Variants in RANBP17 observed in about 807,000 individuals in gnomAD.
RANBP17 encodes the protein ran-binding protein 17.
In RANBP17, 158 loss-of-function variants were observed where a neutral mutation model predicts 141.2. That is an observed-to-expected ratio of 1.12 (90% CI 0.98 to 1.28). RANBP17 has a LOEUF of 1.28. RANBP17 is among the 50% of genes most tolerant of loss of function. The pLI is 0.00. For missense variants in RANBP17, 1,438 were observed against 1,290.7 expected (o/e 1.11, Z -1.75); for synonymous variants, 430 against 450.0 (o/e 0.96, Z 0.56).
chr5:171,108,746 A>G (rs1755021645), intron 14 of RANBP17, among the ~76,000 whole-genome samples: 1 of 152,066 alleles, frequency 6.6e-6, no homozygotes, highest in Non-Finnish European at 1.5e-5. Context: ...TCTATACAGT[A>G]TTTCACTCAA....
intron 18 of RANBP17, among the ~76,000 whole-genome samples, chr5:171,195,757 C>T (rs2127947925): frequency 6.6e-6 from 1 of 152,268 alleles, no homozygotes; most frequent in Non-Finnish European, 1.5e-5. Flanking sequence ...CTGACATTTA[C>T]CAGCTGGAGG....
At position 170,928,546 on chromosome 5, in the gene RANBP17, C is replaced by T. The variant is rs545300998; in HGVS notation, c.1468+3996C>T. 7.2e-5 allele frequency among the ~76,000 whole-genome samples: 11 copies of T among 152,044 alleles called. 1 individual carries two copies. The South Asian group carries it at 2.3e-3, about 32-fold the overall frequency. On this transcript the variant is annotated intron_variant, in intron 12 of 27. Transcript: ENST00000523189. The stretch of plus-strand genomic sequence containing the variant: ...TTAAGGGTCAAGGCTTACAGTTATC[C>T]AGTTGTTCTAACACCATTTGTAGAA...
At chr5:171,118,364 A>G (rs1403382552) in intron 14 of RANBP17, among the ~76,000 whole-genome samples, 1 of 151,878 alleles carries the variant, frequency 6.6e-6, no homozygotes, top group African/African-American at 2.4e-5. Context: ...ACTCGATGTC[A>G]TTTTGGCTAT....
At chr5:170,951,890 A>G (rs555645935) in intron 12 of RANBP17, among the ~76,000 whole-genome samples, 40 of 152,200 alleles carry the variant, frequency 2.6e-4, no homozygotes, top group Non-Finnish European at 4.7e-4. Flanking sequence ...CCAAGAACCA[A>G]TACTTTCAAA....
intron 13 of RANBP17, among the ~76,000 whole-genome samples, chr5:170,966,544 C>G (rs1776579657): frequency 6.6e-6 from 1 of 152,134 alleles, no homozygotes; most frequent in South Asian, 2.1e-4. Context: ...GGACGTATCT[C>G]AAAATGATAA....
intron 14 of RANBP17, among the ~76,000 whole-genome samples, chr5:171,132,426 A>G (rs772822494): frequency 2.7e-5 from 4 of 150,722 alleles, no homozygotes; most frequent in Non-Finnish European, 5.9e-5. Flanking sequence ...ATTTGTTTTG[A>G]TAATAGTTTA....
chr5:171,061,040 A>T (rs1232976374), intron 14 of RANBP17, among the ~76,000 whole-genome samples: 1 of 150,558 alleles, frequency 6.6e-6, no homozygotes, highest in Non-Finnish European at 1.5e-5. Flanking sequence ...TGTCTATTTG[A>T]TTCTTCTCTC....
chr5:170,978,189 A>C (rs1777525010), intron 14 of RANBP17, among the ~76,000 whole-genome samples: 1 of 152,156 alleles, frequency 6.6e-6, no homozygotes, highest in Admixed American at 6.5e-5. Context: ...AATGGCTAAA[A>C]ATTTTAAAAA....
rs1206942963 is a variant in RANBP17 at position 171,220,494 on chromosome 5, G to C, written c.2340-1264G>C. Among the ~76,000 whole-genome samples, 8 of 145,250 alleles carry C rather than the reference G, an allele frequency of 5.5e-5. No individual in the cohort carries two copies. In the East Asian group the frequency reaches 1.6e-3, roughly 29 times the overall value. On this transcript the variant is annotated intron_variant, in intron 21 of 27. Coordinates refer to ENST00000523189, the MANE Select transcript of RANBP17 (RefSeq NM_022897.5). ...GACAGAGTCTCACCTTGTTGCCCAG[G>C]CTGGAGCGCAGTGGCCCTATCTCGA... is the stretch of plus-strand genomic sequence containing the variant.
At chr5:170,913,274 T>C (rs1276537692) in intron 7 of RANBP17, among the ~76,000 whole-genome samples, 1 of 151,914 alleles carries the variant, frequency 6.6e-6, no homozygotes, top group African/African-American at 2.4e-5. Context: ...GTGAAAGACA[T>C]AGAAAGGCTA....
rs529995459 is a variant in RANBP17 at position 171,110,485 on chromosome 5, C to T, written c.1711-59645C>T. On this transcript the variant is annotated intron_variant, in intron 14 of 27. Transcript: ENST00000523189. ...ATATCTATCTTCCTTCTCTGTGTCTCCATCTGTATGTCTCATGAGCTTTAT... is the reference window on the plus strand; with the variant it reads ...ATATCTATCTTCCTTCTCTGTGTCTTCATCTGTATGTCTCATGAGCTTTAT... Among the ~76,000 whole-genome samples, 15 of 152,232 alleles carry T rather than the reference C, an allele frequency of 9.9e-5. No individual in the cohort carries two copies. The South Asian group carries it at 2.9e-3, about 30-fold the overall frequency.
At position 170,975,106 on chromosome 5, in the gene RANBP17, G is replaced by C. The variant is rs1184119882; in HGVS notation, c.1710+6729G>C. Among the ~76,000 whole-genome samples the C allele has an allele frequency of 2.6e-5, 4 of 152,124 alleles. No homozygotes were observed. In the South Asian group the frequency reaches 8.3e-4, roughly 32 times the overall value. On this transcript the variant is annotated intron_variant, in intron 14 of 27. Transcript: ENST00000523189. ...TTCTCATTTTTCACAATATGGAAAG[G>C]CTGATAATTTTTCAAACCTTTAAGT...
chr5:170,918,408 A>G (rs1772149332), intron 9 of RANBP17: 1 of 194,560 alleles, frequency 5.1e-6, no homozygotes, highest in Middle Eastern at 1.8e-3. Flanking sequence ...CACAGTACAC[A>G]CACACACACA....
chr5:171,040,021 C>T (rs1011770221), intron 14 of RANBP17, among the ~76,000 whole-genome samples: 2 of 151,882 alleles, frequency 1.3e-5, no homozygotes. Flanking sequence ...TAACTCATTC[C>T]GTGAAGCCAG....
At chr5:171,021,410 A>G (rs1333355570) in intron 14 of RANBP17, among the ~76,000 whole-genome samples, 1 of 152,174 alleles carries the variant, frequency 6.6e-6, no homozygotes, top group Non-Finnish European at 1.5e-5. Flanking sequence ...AGGTACACCA[A>G]TCAAACGTAG....
At chr5:170,982,120 T>G (rs1359132125) in intron 14 of RANBP17, among the ~76,000 whole-genome samples, 1 of 152,196 alleles carries the variant, frequency 6.6e-6, no homozygotes, top group African/African-American at 2.4e-5. Context: ...TTTACAACTC[T>G]TAGTTGTCAT....
At chr5:170,874,666 T>C (rs935164816) in intron 1 of RANBP17, among the ~76,000 whole-genome samples, 10 of 150,454 alleles carry the variant, frequency 6.6e-5, no homozygotes, top group Non-Finnish European at 1.3e-4. Context: ...TTTTTTTTGC[T>C]TTCCATTTGC....
At chr5:171,095,758 C>G (rs2127735289) in intron 14 of RANBP17, among the ~76,000 whole-genome samples, 1 of 152,002 alleles carries the variant, frequency 6.6e-6, no homozygotes, top group Admixed American at 6.6e-5. Context: ...GGAACTGACA[C>G]CCCCCCGACA....
intron 21 of RANBP17, among the ~76,000 whole-genome samples, chr5:171,221,151 C>A (rs72827580): frequency 0.12 from 18,394 of 152,142 alleles, 1,431 homozygotes; most frequent in East Asian, 0.16. Context: ...TTGCCCAACC[C>A]CAGTAGGAAC....
Sources: allele counts gnomAD v4.1 joint callset (sites outside exome capture counted in the v4.1 genomes callset), GRCh38; gene constraint gnomAD v4.1.1; transcripts MANE v1.5; gene names NCBI Gene and HGNC (gene_info 2026-07-23, HGNC 2026-07-21).